RCHY1: variants seen among roughly 807,000 people sequenced by gnomAD.
RCHY1 encodes the protein ring finger and CHY zinc finger domain containing 1, also known as RING finger and CHY zinc finger domain-containing protein 1.
RCHY1 carries 21 observed loss-of-function variants against 41.6 expected under a neutral mutation model. The ratio of observed to expected loss-of-function variants is 0.51; its 90% CI spans 0.36 to 0.73. RCHY1 has a LOEUF of 0.73. RCHY1 is among the 30% of genes least tolerant of loss of function. The pLI is 0.00. For missense variants in RCHY1, 265 were observed against 325.3 expected, an observed-to-expected ratio of 0.81 and a Z score of 1.43; for synonymous variants, 79 against 102.9, an observed-to-expected ratio of 0.77 and a Z score of 1.41.
chr4:75,500,856 C>T (rs1723678894), intron 3 of RCHY1, among the ~76,000 whole-genome samples: 1 of 152,152 alleles, frequency 6.6e-6, no homozygotes, highest in Non-Finnish European at 1.5e-5. Flanking sequence ...CAAGAATGTG[C>T]AGCTCCAAAA....
At chr4:75,506,640 GAA>G (rs564608513) in intron 3 of RCHY1, among the ~76,000 whole-genome samples, 1 of 144,346 alleles carries the variant, frequency 6.9e-6, no homozygotes. Flanking sequence ...AGAAATACAG[GAA>G]AAAAAAAAAG....
At chr4:75,490,487 A>T in intron 8 of RCHY1, 94 bp downstream of exon 8, 1 of 903,374 alleles carries the variant, frequency 1.1e-6, no homozygotes, top group Non-Finnish European at 1.7e-6. Flanking sequence ...AAACCAGTAT[A>T]TATATATTTT....
chr4:75,501,145 G>A (rs1280743400), intron 3 of RCHY1, among the ~76,000 whole-genome samples: 2 of 152,132 alleles, frequency 1.3e-5, no homozygotes. Context: ...GAATAGCTGG[G>A]ATTACAGACA....
At chr4:75,496,180 CA>C (rs1723187926) in intron 3 of RCHY1, among the ~76,000 whole-genome samples, 1 of 152,036 alleles carries the variant, frequency 6.6e-6, no homozygotes, top group Non-Finnish European at 1.5e-5. Context: ...AAAATAATGA[CA>C]AAAGACAGAA....
intron 3 of RCHY1, among the ~76,000 whole-genome samples, chr4:75,497,860 C>A (rs1210980774): frequency 6.6e-6 from 1 of 151,202 alleles, no homozygotes; most frequent in Non-Finnish European, 1.5e-5. Flanking sequence ...ATCTAATTAT[C>A]AAAACCAGAG....
chr4:75,487,811 AATATATATTCATAAT>A (rs1157863263), intron 8 of RCHY1, among the ~76,000 whole-genome samples: 4 of 43,354 alleles, frequency 9.2e-5, no homozygotes, highest in Non-Finnish European at 1.7e-4. Context: ...ATATATTCAT[AATATATATTCATAAT>A]ATATATATTC....
chr4:75,514,379 C>A lies in RCHY1; in HGVS notation c.-93G>T. On this transcript the variant is annotated 5_prime_UTR_variant, in exon 1 of 9. Transcript: ENST00000324439. ...CGCCTCTCTAGCACACCCCTCCCAG[C>A]CCCAGCGGCCACTAGCGACAATATG... is the stretch of plus-strand genomic sequence containing the variant. 2 of 1,389,006 alleles carry A rather than the reference C, an allele frequency of 1.4e-6. No individual in the cohort carries two copies. Among genetic ancestry groups the A allele is most frequent in the South Asian group, 1.4e-5 (1 of 72,584 alleles). 86.0% of individuals were successfully genotyped at this position (1,389,006 alleles called of 1,614,324 possible).
At chr4:75,482,768 A>G (rs1721627497) in intron 8 of RCHY1, 102 bp from the exon 9 acceptor site, 1 of 753,188 alleles carries the variant, frequency 1.3e-6, no homozygotes, top group Admixed American at 4.1e-5. Context: ...ATGTGAAAAT[A>G]CATACATAAG....
At position 75,491,645 on chromosome 4, in the gene RCHY1, A is replaced by C. The variant is rs200101071; in HGVS notation, c.510-8T>G. On this transcript the variant is annotated splice_polypyrimidine_tract_variant and splice_region_variant and intron_variant, in intron 6 of 8. Coordinates refer to ENST00000324439, the MANE Select transcript of RCHY1 (RefSeq NM_015436.4). ...ATTTCTTCATAACACGTTCTGAAAG[A>C]AAATATAAGATTATTTTAGTAAAAC... The C allele has an allele frequency of 1.7e-5, 28 of 1,600,534 alleles. No homozygotes were observed. In the Middle Eastern group the frequency reaches 6.6e-4, roughly 38 times the overall value.
upstream of RCHY1, chr4:75,514,631 G>A (rs558572435): frequency 6.3e-5 from 14 of 222,342 alleles, no homozygotes; most frequent in South Asian, 1.5e-3. Context: ...GTTGGCCCCA[G>A]AGGAAAGGAC....
At chr4:75,488,109 A>T (rs1369159862) in intron 8 of RCHY1, among the ~76,000 whole-genome samples, 3 of 151,638 alleles carry the variant, frequency 2.0e-5, no homozygotes, top group Non-Finnish European at 1.5e-5. Context: ...GCACTGTCAA[A>T]TAAGAAATGA....
intron 1 of RCHY1, among the ~76,000 whole-genome samples, chr4:75,512,238 C>T (rs1724961607): frequency 6.6e-6 from 1 of 152,156 alleles, no homozygotes; most frequent in Admixed American, 6.5e-5. Flanking sequence ...TTTAGATGAT[C>T]ATTTCACTTC....
intron 1 of RCHY1, among the ~76,000 whole-genome samples, chr4:75,510,429 T>A (rs149202247): frequency 6.6e-6 from 1 of 152,348 alleles, no homozygotes; most frequent in East Asian, 1.9e-4. Context: ...CCAGTGACTT[T>A]CCAATACACT....
Position 75,500,791 on chromosome 4 carries a change from T to C in RCHY1, c.327-6612A>G, listed in dbSNP as rs188764183. Among the ~76,000 whole-genome samples the C allele has an allele frequency of 2.6e-5, 4 of 152,280 alleles. No homozygotes were observed. The East Asian group carries it at 7.7e-4, about 29-fold the overall frequency. On this transcript the variant is annotated intron_variant, in intron 3 of 8. Coordinates refer to ENST00000324439, the MANE Select transcript of RCHY1 (RefSeq NM_015436.4). ...TAAAAGCAATGACAAACTTTCATGA[T>C]ATACCTAAGACAAAAATGTTTAATT...
chr4:75,509,394 C>A (rs1323003240), intron 1 of RCHY1, 98 bp from the exon 2 acceptor site: 2 of 1,105,934 alleles, frequency 1.8e-6, no homozygotes, highest in Non-Finnish European at 1.3e-6. Flanking sequence ...CTGGATGGAA[C>A]TGAAAGATTA....
chr4:75,508,552 G>A (rs1724558218), intron 3 of RCHY1, among the ~76,000 whole-genome samples: 1 of 151,662 alleles, frequency 6.6e-6, no homozygotes, highest in Admixed American at 6.6e-5. Context: ...ATAATCCAAA[G>A]GTAAAATTCT....
chr4:75,483,389 A>T (rs1485131860), intron 8 of RCHY1, among the ~76,000 whole-genome samples: 3 of 152,192 alleles, frequency 2.0e-5, no homozygotes, highest in African/African-American at 4.8e-5. Flanking sequence ...ATAATTATTT[A>T]AAAAATATGA....
intron 3 of RCHY1, among the ~76,000 whole-genome samples, chr4:75,494,918 G>A (rs1723050014): frequency 6.6e-6 from 1 of 151,822 alleles, no homozygotes; most frequent in South Asian, 2.1e-4. Context: ...TAATGAGACA[G>A]GGACTGTACA....
chr4:75,506,130 C>CAAAA (rs547669760), intron 3 of RCHY1, among the ~76,000 whole-genome samples: 3 of 82,650 alleles, frequency 3.6e-5, no homozygotes, highest in African/African-American at 9.2e-5. Flanking sequence ...ACAGGACATA[C>CAAAA]AAAAAAAAAA....
Sources: gnomAD v4.1 joint callset for allele counts (sites outside exome capture counted in the v4.1 genomes callset) on GRCh38, gnomAD v4.1.1 for gene constraint, MANE v1.5 for transcripts, NCBI Gene and HGNC (gene_info 2026-07-23, HGNC 2026-07-21) for gene names.